The following GPNMB variants were observed in gnomAD, a reference collection of about 807,000 sequenced individuals.
The protein encoded by GPNMB is glycoprotein nmb.
In GPNMB, 71 loss-of-function variants were observed where a neutral mutation model predicts 57.3. The observed-to-expected ratio is 1.24, with a 90% CI of 1.02 to 1.51. The LOEUF (loss-of-function observed/expected upper bound fraction) is 1.51. GPNMB is among the 40% of genes most tolerant of loss of function. GPNMB has a pLI of 0.00. For synonymous variants in GPNMB, 253 were observed against 263.2 expected (o/e 0.96, Z 0.38); for missense variants, 677 against 691.9 (o/e 0.98, Z 0.24).
At chr7:23,269,442 A>G (rs1253982256) in intron 8 of GPNMB, among the ~76,000 whole-genome samples, 1 of 152,224 alleles carries the variant, frequency 6.6e-6, no homozygotes, top group Non-Finnish European at 1.5e-5. Flanking sequence ...ATCATGTCAT[A>G]TATCTAAAAC....
chr7:23,268,862 C>T (rs1783131372), intron 8 of GPNMB, among the ~76,000 whole-genome samples: 1 of 152,126 alleles, frequency 6.6e-6, no homozygotes, highest in Admixed American at 6.5e-5. Flanking sequence ...CCATCCCAGG[C>T]CCCGCCCCAT....
In GPNMB at chr7:23,246,807, C is replaced by T. The variant is rs769787429; in HGVS notation, c.-51C>T. 3 of 1,339,974 alleles carry T rather than the reference C, an allele frequency of 2.2e-6. No homozygotes were observed. The South Asian group carries it at 3.5e-5, about 16-fold the overall frequency. 83.0% of individuals were successfully genotyped at this position (1,339,974 alleles called of 1,614,324 possible). A position where few individuals can be genotyped will look rare whatever the true frequency, so the allele number is the denominator to read the frequency against. Reference sequence around the variant, plus strand: ...CACTGTTGCTCTTGGTGGACGGGCCCAGAGGAATTCAGAGTTAAACCTTGA... The same window carrying T: ...CACTGTTGCTCTTGGTGGACGGGCCTAGAGGAATTCAGAGTTAAACCTTGA... On this transcript the variant is annotated 5_prime_UTR_variant, in exon 1 of 11. Transcript: ENST00000258733.
chr7:23,274,481 A>T lies in GPNMB; in HGVS notation c.*257A>T, dbSNP rs542631994. 263 of 341,560 alleles carry T rather than the reference A, an allele frequency of 7.7e-4. 1 individual carries two copies. Among genetic ancestry groups the T allele is most frequent in the African/African-American group, 5.3e-3 (247 of 46,562 alleles). The allele number at this position is 341,560 out of a possible 1,614,324, so 21.2% of individuals were successfully genotyped here. ...CATTATTTTTTATGTTTCACTTATAAAGTCTTAGGTAACTAGTAGGATAGA... is the reference window on the plus strand; with the variant it reads ...CATTATTTTTTATGTTTCACTTATATAGTCTTAGGTAACTAGTAGGATAGA... On this transcript the variant is annotated 3_prime_UTR_variant, in exon 11 of 11. Coordinates refer to ENST00000258733, the MANE Select transcript of GPNMB (RefSeq NM_002510.3).
At chr7:23,265,669 G>C (rs2128484103) in intron 6 of GPNMB, among the ~76,000 whole-genome samples, 1 of 152,050 alleles carries the variant, frequency 6.6e-6, no homozygotes, top group African/African-American at 2.4e-5. Context: ...GATTTATTAA[G>C]TACTCCCTCT....
At chr7:23,248,238 G>A (rs938595232) in intron 1 of GPNMB, among the ~76,000 whole-genome samples, 1 of 152,178 alleles carries the variant, frequency 6.6e-6, no homozygotes, top group African/African-American at 2.4e-5. Context: ...TACGGAGGCA[G>A]ACCTGCACCC....
intron 6 of GPNMB, among the ~76,000 whole-genome samples, chr7:23,264,395 TAG>T (rs1475429969): frequency 6.6e-6 from 1 of 152,004 alleles, no homozygotes; most frequent in Non-Finnish European, 1.5e-5. Flanking sequence ...TTTTTTGAGA[TAG>T]AGTCTTGCTC....
Position 23,274,164 on chromosome 7 carries a change from C to T in GPNMB, c.1623C>T (p.Phe541=), listed in dbSNP as rs757201451. 19 of 1,613,950 alleles carry T rather than the reference C, an allele frequency of 1.2e-5. No individual in the cohort carries two copies. The Admixed American group carries it at 3.2e-4, about 27-fold the overall frequency. The part of the protein sequence containing the change: ...VFLNRAKAVF[F]PGNQEKDPLL... ...TCAACCGTGCAAAAGCCGTGTTCTTCCCGGGAAACCAGGAAAAGGATCCGC... is the reference window on the plus strand; with the variant it reads ...TCAACCGTGCAAAAGCCGTGTTCTTTCCGGGAAACCAGGAAAAGGATCCGC... The change falls in exon 11 of 11, where the codon TTC becomes TTT. Residue 541 remains phenylalanine, a synonymous_variant. Coordinates refer to ENST00000258733, the MANE Select transcript of GPNMB (RefSeq NM_002510.3).
chr7:23,251,766 A>T (rs1782667785), intron 1 of GPNMB, among the ~76,000 whole-genome samples: 1 of 152,208 alleles, frequency 6.6e-6, no homozygotes, highest in South Asian at 2.1e-4. Flanking sequence ...AGTTCCCAGA[A>T]GACTGCTTCT....
At chr7:23,247,345 A>G in intron 1 of GPNMB, 1 of 225,892 alleles carries the variant, frequency 4.4e-6, no homozygotes. Context: ...AAATTTACGA[A>G]TCTCCCCAGC....
rs967040760 is a variant in GPNMB at position 23,273,880 on chromosome 7, C to G, written c.1524-185C>G. 3 of 587,774 alleles carry G rather than the reference C, an allele frequency of 5.1e-6. No homozygotes were observed. The African/African-American group carries it at 5.6e-5, about 11-fold the overall frequency. The allele number at this position is 587,774 out of a possible 1,614,324, so 36.4% of individuals were successfully genotyped here. A position where few individuals can be genotyped will look rare whatever the true frequency, so the allele number is the denominator to read the frequency against. ...CATGATAGTCTCAAATTATAGTAAGCAGGCACATTTCTTGCATGAACAAGA... is the reference window on the plus strand; with the variant it reads ...CATGATAGTCTCAAATTATAGTAAGGAGGCACATTTCTTGCATGAACAAGA... On this transcript the variant is annotated intron_variant, in intron 10 of 10. Coordinates refer to ENST00000258733, the MANE Select transcript of GPNMB (RefSeq NM_002510.3).
intron 6 of GPNMB, among the ~76,000 whole-genome samples, chr7:23,263,590 C>T (rs576075735): frequency 5.6e-4 from 76 of 136,410 alleles, no homozygotes; most frequent in African/African-American, 1.9e-3. Flanking sequence ...CCAGCCTGGG[C>T]GACAAGAGAG....
At chr7:23,247,213 G>A (rs1782552843) in intron 1 of GPNMB, 3 of 428,168 alleles carry the variant, frequency 7.0e-6, no homozygotes, top group Non-Finnish European at 1.3e-5. Flanking sequence ...CCAGACAGTG[G>A]TTGGGGGAGG....
At chr7:23,254,479 A>G (rs1477391715) in intron 3 of GPNMB, among the ~76,000 whole-genome samples, 167 bp downstream of exon 3, 2 of 152,208 alleles carry the variant, frequency 1.3e-5, no homozygotes, top group African/African-American at 4.8e-5. Flanking sequence ...GCCTTCATCA[A>G]CATCAACGTC....
intron 9 of GPNMB, among the ~76,000 whole-genome samples, chr7:23,271,429 GC>G (rs1384822159): frequency 6.6e-6 from 1 of 152,198 alleles, no homozygotes; most frequent in East Asian, 1.9e-4. Flanking sequence ...TGAACTTGAA[GC>G]CTATCTCATA....
rs572348743 is a variant in GPNMB at position 23,263,410 on chromosome 7, G to A, written c.1018+2637G>A. ...GTGGATCACCTGAGGTCAGGAGTTC[G>A]AGACCAGCCTGGTCAACATGGTGAA... On this transcript the variant is annotated intron_variant, in intron 6 of 10. Coordinates refer to ENST00000258733, the MANE Select transcript of GPNMB (RefSeq NM_002510.3). Among the ~76,000 whole-genome samples the A allele has an allele frequency of 3.3e-5, 5 of 151,884 alleles. No individual in the cohort carries two copies. In the East Asian group the frequency reaches 7.7e-4, roughly 24 times the overall value.
chr7:23,247,079 G>A (rs1782548770), intron 1 of GPNMB, 152 bp downstream of exon 1: 2 of 669,684 alleles, frequency 3.0e-6, no homozygotes, highest in Non-Finnish European at 5.4e-6. Context: ...AAACTGTTGG[G>A]AAGGCTGAAA....
chr7:23,267,341 C>T (rs1464058193), intron 7 of GPNMB, among the ~76,000 whole-genome samples: 2 of 152,194 alleles, frequency 1.3e-5, no homozygotes, highest in African/African-American at 4.8e-5. Flanking sequence ...GGATATGTAT[C>T]CTAAGCTATG....
At position 23,250,172 on chromosome 7, in the gene GPNMB, T is replaced by C. The variant is rs183764875; in HGVS notation, c.71-3135T>C. Among the ~76,000 whole-genome samples, 8 of 152,366 alleles carry C rather than the reference T, an allele frequency of 5.3e-5. No individual in the cohort carries two copies. In the East Asian group the frequency reaches 1.5e-3, roughly 29 times the overall value. On this transcript the variant is annotated intron_variant, in intron 1 of 10. Coordinates refer to ENST00000258733, the MANE Select transcript of GPNMB (RefSeq NM_002510.3). ...AAAATTCTTTATATATTCTAAATAC[T>C]AGTCCTTTATTGGAAGTGTAGTTTA...
rs561687911 is a variant in GPNMB, at chr7:23,261,156, T to C, written c.1018+383T>C. 5.3e-5 allele frequency among the ~76,000 whole-genome samples: 8 copies of C among 152,192 alleles called. No homozygotes were observed. In the East Asian group the frequency reaches 1.5e-3, roughly 29 times the overall value. ...CTTATACGATCAGGTCATTTCTATG[T>C]TCCTTCCTCTCCCCCACTAATTTCT... is the stretch of plus-strand genomic sequence containing the variant. On this transcript the variant is annotated intron_variant, in intron 6 of 10. Coordinates refer to ENST00000258733, the MANE Select transcript of GPNMB (RefSeq NM_002510.3).
Sources: allele counts gnomAD v4.1 joint callset (sites outside exome capture counted in the v4.1 genomes callset), GRCh38; gene constraint gnomAD v4.1.1; transcripts MANE v1.5; gene names NCBI Gene and HGNC (gene_info 2026-07-23, HGNC 2026-07-21).